Variants in PTPRD observed in about 807,000 individuals in gnomAD.
PTPRD encodes protein tyrosine phosphatase receptor type D.
In PTPRD, 34 loss-of-function variants were observed where a neutral mutation model predicts 214.5. The observed-to-expected ratio is 0.16, with a 90% CI of 0.12 to 0.21. PTPRD has a LOEUF of 0.21. PTPRD is among the 10% of genes least tolerant of loss of function. The pLI is 1.00. For synonymous variants in PTPRD, 1,128 were observed against 845.7 expected (o/e 1.33, Z -5.79); for missense variants, 2,545 against 2,398.7 (o/e 1.06, Z -1.27).
chr9:10,522,425 C>A (rs567968314), intron 2 of PTPRD, among the ~76,000 whole-genome samples: 7 of 152,162 alleles, frequency 4.6e-5, no homozygotes, highest in Non-Finnish European at 1.0e-4. Flanking sequence ...CTGAGAAAGC[C>A]TGTTTTATTT....
rs866501301 is a variant in PTPRD, at chr9:10,313,073, C to T, written c.-545+27890G>A. Among the ~76,000 whole-genome samples, 6 of 151,908 alleles carry T rather than the reference C, an allele frequency of 3.9e-5. 1 individual carries two copies. The Middle Eastern group carries it at 0.01, about 258-fold the overall frequency. ...ATGTCCTCTCCATTCTTCCTCTCTC[C>T]GCAGGCTTTACTGTTAGCAATCTCC... On this transcript the variant is annotated intron_variant, in intron 3 of 45. Coordinates refer to ENST00000381196, the MANE Select transcript of PTPRD (RefSeq NM_002839.4).
At chr9:8,407,776 A>G (rs1247370677) in intron 35 of PTPRD, among the ~76,000 whole-genome samples, 1 of 152,224 alleles carries the variant, frequency 6.6e-6, no homozygotes, top group East Asian at 1.9e-4. Context: ...ACATTGATTA[A>G]ATAATGCTGA....
intron 2 of PTPRD, among the ~76,000 whole-genome samples, chr9:10,465,828 C>T (rs1157411326): frequency 6.6e-6 from 1 of 152,180 alleles, no homozygotes; most frequent in Non-Finnish European, 1.5e-5. Flanking sequence ...TGGCATTTAT[C>T]AGAATATGTC....
intron 8 of PTPRD, among the ~76,000 whole-genome samples, chr9:9,504,242 G>C (rs1404007198): frequency 2.0e-5 from 3 of 151,584 alleles, no homozygotes; most frequent in Non-Finnish European, 3.0e-5. Context: ...TACTTTCTAA[G>C]TTTTTGCTCT....
chr9:10,373,144 T>TG (rs1300764531), intron 2 of PTPRD, among the ~76,000 whole-genome samples: 1 of 137,838 alleles, frequency 7.3e-6, no homozygotes, highest in Non-Finnish European at 1.6e-5. Context: ...TCTTTATACT[T>TG]AAAAAAAAAA....
In PTPRD at chr9:8,966,297, T is replaced by C. The variant is rs565338237; in HGVS notation, c.-104+52400A>G. On this transcript the variant is annotated intron_variant, in intron 11 of 45. Coordinates refer to ENST00000381196, the MANE Select transcript of PTPRD (RefSeq NM_002839.4). ...CAAAGATCCCAAATAGCCAAAGCAA[T>C]CCTAAGCAAAAAGAACCAAACCAAA... Among the ~76,000 whole-genome samples the C allele has an allele frequency of 2.0e-5, 3 of 151,856 alleles. No individual in the cohort carries two copies. In the South Asian group the frequency reaches 6.2e-4, roughly 32 times the overall value.
chr9:9,333,503 ATTATATATAT>A (rs1569567448), intron 9 of PTPRD, among the ~76,000 whole-genome samples: 1 of 103,518 alleles, frequency 9.7e-6, no homozygotes, highest in African/African-American at 4.9e-5. Context: ...TATATAGTAT[ATTATATATAT>A]ATATATATAT....
chr9:9,895,464 A>T (rs79585683), intron 5 of PTPRD, among the ~76,000 whole-genome samples: 1 of 152,020 alleles, frequency 6.6e-6, no homozygotes, highest in Non-Finnish European at 1.5e-5. Flanking sequence ...TTTTGCTGTT[A>T]TAATGATTAT....
chr9:9,229,041 C>G (rs1392229284), intron 9 of PTPRD, among the ~76,000 whole-genome samples: 1 of 152,068 alleles, frequency 6.6e-6, no homozygotes, highest in Non-Finnish European at 1.5e-5. Flanking sequence ...TAATGTGGGT[C>G]ATTAAGGCTA....
intron 9 of PTPRD, among the ~76,000 whole-genome samples, chr9:9,222,090 C>T (rs1034681959): frequency 1.3e-5 from 2 of 152,076 alleles, no homozygotes; most frequent in African/African-American, 4.8e-5. Flanking sequence ...AATGTATCCA[C>T]TGTAACAATA....
At chr9:10,535,574 G>C (rs1440714862) in intron 2 of PTPRD, among the ~76,000 whole-genome samples, 1 of 151,910 alleles carries the variant, frequency 6.6e-6, no homozygotes, top group Admixed American at 6.6e-5. Flanking sequence ...AAATAATCAA[G>C]TCACCACAGC....
intron 8 of PTPRD, among the ~76,000 whole-genome samples, chr9:9,481,077 G>C (rs1477078915): frequency 6.6e-6 from 1 of 152,108 alleles, no homozygotes; most frequent in African/African-American, 2.4e-5. Context: ...TGTGCACTCA[G>C]TATACACTTC....
chr9:8,358,206 C>G (rs1244920236), intron 39 of PTPRD, among the ~76,000 whole-genome samples: 3 of 152,142 alleles, frequency 2.0e-5, no homozygotes, highest in African/African-American at 7.2e-5. Context: ...TTGAAAGTTA[C>G]AGCCTGGGGA....
intron 11 of PTPRD, among the ~76,000 whole-genome samples, chr9:8,760,598 CTGTGTGTGTGTG>C (rs34488235): frequency 6.9e-6 from 1 of 145,006 alleles, no homozygotes; most frequent in East Asian, 2.0e-4. Context: ...CTCTCTCTGT[CTGTGTGTGTGTG>C]TGTGTGTGTG....
chr9:9,640,744 T>C (rs1324628152), intron 7 of PTPRD, among the ~76,000 whole-genome samples: 1 of 152,156 alleles, frequency 6.6e-6, no homozygotes, highest in Admixed American at 6.5e-5. Context: ...AGTAGAGGGG[T>C]GACCCCAGGA....
At chr9:8,771,772 TTTAGATGA>T (rs1238962295) in intron 11 of PTPRD, among the ~76,000 whole-genome samples, 4 of 152,112 alleles carry the variant, frequency 2.6e-5, no homozygotes, top group Non-Finnish European at 2.9e-5. Flanking sequence ...CAACCCTTGT[TTTAGATGA>T]CCAAACTAGT....
At chr9:10,035,101 C>A (rs2097154001) in intron 3 of PTPRD, among the ~76,000 whole-genome samples, 1 of 152,120 alleles carries the variant, frequency 6.6e-6, no homozygotes, top group African/African-American at 2.4e-5. Flanking sequence ...TTCTCCACAA[C>A]CTTGCCAGCA....
intron 11 of PTPRD, among the ~76,000 whole-genome samples, chr9:8,899,300 T>C (rs1447640593): frequency 6.6e-6 from 1 of 152,162 alleles, no homozygotes; most frequent in Non-Finnish European, 1.5e-5. Context: ...ATGCCCTCTT[T>C]AACAAAAGTG....
At chr9:10,110,121 C>T (rs1329417273) in intron 3 of PTPRD, among the ~76,000 whole-genome samples, 1 of 152,106 alleles carries the variant, frequency 6.6e-6, no homozygotes, top group Non-Finnish European at 1.5e-5. Flanking sequence ...GGGCAGAACA[C>T]CCTGACACAA....
Sources: gnomAD v4.1 joint callset for allele counts (sites outside exome capture counted in the v4.1 genomes callset) on GRCh38, gnomAD v4.1.1 for gene constraint, MANE v1.5 for transcripts, NCBI Gene and HGNC (gene_info 2026-07-23, HGNC 2026-07-21) for gene names.